The following DGKD variants were observed in gnomAD, a reference collection of about 807,000 sequenced individuals.
DGKD encodes DAG kinase delta.
DGKD carries 68 observed loss-of-function variants against 154.4 expected under a neutral mutation model. The observed-to-expected ratio is 0.44, with a 90% confidence interval of 0.36 to 0.54. DGKD has a LOEUF of 0.54. Among genes scored for constraint, DGKD ranks in the 20% least tolerant of loss-of-function variants. The probability of loss-of-function intolerance (pLI) is 0.00; values close to 1 mark genes in which losing one functional copy is unlikely to be tolerated. For missense variants in DGKD, 1,343 were observed against 1,593.6 expected (o/e 0.84, Z 2.68); for synonymous variants, 693 against 638.0 (o/e 1.09, Z -1.30).
intron 1 of DGKD, among the ~76,000 whole-genome samples, chr2:233,384,490 C>T (rs558832989): frequency 4.6e-5 from 7 of 152,224 alleles, no homozygotes; most frequent in East Asian, 1.9e-4. Flanking sequence ...CAGAGCTGGC[C>T]GTCGCCTTAC....
intron 27 of DGKD, among the ~76,000 whole-genome samples, chr2:233,466,675 A>G (rs935125794): frequency 2.0e-5 from 3 of 152,226 alleles, no homozygotes; most frequent in Admixed American, 6.5e-5. Flanking sequence ...TGCAAAGTGC[A>G]GGAGAGTTTT....
At chr2:233,400,192 G>A (rs2061524273) in intron 3 of DGKD, among the ~76,000 whole-genome samples, 1 of 152,232 alleles carries the variant, frequency 6.6e-6, no homozygotes, top group East Asian at 1.9e-4. Context: ...GAAGGAGGCA[G>A]AATCAGAGCT....
At chr2:233,413,413 T>C (rs143863594) in intron 3 of DGKD, among the ~76,000 whole-genome samples, 1,548 of 152,096 alleles carry the variant, frequency 0.01, 32 homozygotes, top group African/African-American at 0.035. Context: ...TTTTTTTTAA[T>C]GTTCAGATTT....
chr2:233,467,171 A>G lies in DGKD; in HGVS notation c.3392A>G (p.Asn1131Ser). The change falls in exon 28 of 30, where the codon AAC (asparagine) becomes AGC (serine). Residue 1131 changes from asparagine to serine, a missense_variant. This residue lies in a region of DGKD where 429 missense variants were observed against 496.3 expected (regional missense o/e 0.86). Coordinates refer to ENST00000264057, the MANE Select transcript of DGKD (RefSeq NM_152879.3). Reference sequence around the variant, plus strand: ...TTTAAAAAGGAGAAAAACAACAAGAACAAAGAAGCTCACAGTAGCCTGGGA... The same window carrying G: ...TTTAAAAAGGAGAAAAACAACAAGAGCAAAGAAGCTCACAGTAGCCTGGGA... ...TKFKKEKNNK[N>S]KEAHSSLGAP... 8.1e-6 allele frequency: 13 copies of G among 1,614,112 alleles called. No homozygotes were observed. Among genetic ancestry groups the G allele is most frequent in the Non-Finnish European group, 1.1e-5 (13 of 1,179,974 alleles).
At chr2:233,450,895 G>A (rs1478181558) in intron 16 of DGKD, 27 bp from the exon 17 acceptor site, 7 of 1,587,688 alleles carry the variant, frequency 4.4e-6, no homozygotes, top group African/African-American at 1.3e-5. Context: ...CCACACAGCT[G>A]TAAGGTTTTC....
At chr2:233,367,229 CTT>C (rs11365397) in intron 1 of DGKD, among the ~76,000 whole-genome samples, 187 of 144,050 alleles carry the variant, frequency 1.3e-3, no homozygotes, top group Middle Eastern at 3.6e-3. Context: ...GTATTAATGA[CTT>C]TTTTTTTTTT....
Position 233,438,428 on chromosome 2 carries a change from A to G in DGKD, c.1085+49A>G. ...TTTCTTGGAGTTTTAAAAATTGTGT[A>G]GATAGTGTGTGCTTGTTAAAAAAAA... On this transcript the variant is annotated intron_variant, in intron 9 of 29. Transcript: ENST00000264057. The surrounding 1 kb of genome is among the most constrained non-coding windows in gnomAD (Gnocchi z 4.1). 1.3e-6 allele frequency: 2 copies of G among 1,547,022 alleles called. No individual in the cohort carries two copies. The highest frequency in any genetic ancestry group is 1.2e-5 in the South Asian group (1 of 83,190).
chr2:233,438,157 G>T lies in DGKD; in HGVS notation c.923-60G>T. 1 of 1,572,808 alleles carries T rather than the reference G, an allele frequency of 6.4e-7. No individual in the cohort carries two copies. Among genetic ancestry groups the T allele is most frequent in the Non-Finnish European group, 8.7e-7 (1 of 1,152,104 alleles). ...GGGTCTGCTGCTGCTGATTCCATCAGTGGTGCCCTCAGCGTCTTCCGTGGC... is the reference window on the plus strand; with the variant it reads ...GGGTCTGCTGCTGCTGATTCCATCATTGGTGCCCTCAGCGTCTTCCGTGGC... On this transcript the variant is annotated intron_variant, in intron 8 of 29. Coordinates refer to ENST00000264057, the MANE Select transcript of DGKD (RefSeq NM_152879.3). The surrounding 1 kb of genome is among the most constrained non-coding windows in gnomAD (Gnocchi z 4.1).
intron 17 of DGKD, 29 bp downstream of exon 17, chr2:233,451,079 T>C: frequency 5.7e-6 from 9 of 1,586,342 alleles, no homozygotes; most frequent in Non-Finnish European, 6.0e-6. Context: ...GAGGGACTGG[T>C]GGGGGCCCTA....
intron 13 of DGKD, 21 bp from the exon 14 acceptor site, chr2:233,448,255 T>C (rs1444509656): frequency 1.2e-6 from 2 of 1,614,060 alleles, no homozygotes; most frequent in Admixed American, 3.3e-5. Flanking sequence ...TAGAAGGGTC[T>C]TTCTGTTTTT....
chr2:233,384,533 G>T (rs951742600), intron 1 of DGKD, among the ~76,000 whole-genome samples: 8 of 152,094 alleles, frequency 5.3e-5, no homozygotes, highest in Non-Finnish European at 8.8e-5. Context: ...GAGGCCCGCA[G>T]AGTCAGCACA....
At chr2:233,415,335 C>T (rs774159601) in intron 3 of DGKD, among the ~76,000 whole-genome samples, 1 of 152,164 alleles carries the variant, frequency 6.6e-6, no homozygotes, top group Non-Finnish European at 1.5e-5. Flanking sequence ...TATGAGATGC[C>T]TGCAGCAAGT....
chr2:233,357,496 G>T (rs1240284866), intron 1 of DGKD, among the ~76,000 whole-genome samples: 1 of 150,870 alleles, frequency 6.6e-6, no homozygotes, highest in Non-Finnish European at 1.5e-5. Context: ...TCTAGGGTGG[G>T]TGGGGCCTTA....
chr2:233,447,740 G>A lies in DGKD; in HGVS notation c.1420-347G>A, dbSNP rs973044184. On this transcript the variant is annotated intron_variant, in intron 12 of 29. Transcript: ENST00000264057. The stretch of plus-strand genomic sequence containing the variant: ...GGTGGAAACAGCCTCTGCTGCAAAC[G>A]GACCCAAACCTGGAGCCGACCCGCC... The A allele has an allele frequency of 6.3e-5, 70 of 1,102,692 alleles. 1 individual carries two copies. In the Admixed American group the frequency reaches 1.3e-3, roughly 21 times the overall value. The allele number at this position is 1,102,692 out of a possible 1,614,324, so 68.3% of individuals were successfully genotyped here. A position where few individuals can be genotyped will look rare whatever the true frequency, so the allele number is the denominator to read the frequency against.
chr2:233,459,909 C>A lies in DGKD; in HGVS notation c.2829+18C>A, dbSNP rs373062963. ...GAGACAGGGTAAGAGCGGCTGCCCG[C>A]GGTACCTGGGTGGGGTACAGGGCTC... is the stretch of plus-strand genomic sequence containing the variant. On this transcript the variant is annotated intron_variant, in intron 23 of 29. Transcript: ENST00000264057. The surrounding 1 kb of genome is among the most constrained non-coding windows in gnomAD (Gnocchi z 5.7). 12 of 1,611,036 alleles carry A rather than the reference C, an allele frequency of 7.4e-6. No individual in the cohort carries two copies. Among genetic ancestry groups the A allele is most frequent in the South Asian group, 1.1e-5 (1 of 90,602 alleles).
chr2:233,397,544 G>T lies in DGKD; in HGVS notation c.348+7061G>T, dbSNP rs1274909660. On this transcript the variant is annotated intron_variant, in intron 3 of 29. Coordinates refer to ENST00000264057, the MANE Select transcript of DGKD (RefSeq NM_152879.3). ...AGGGGACCAGGGTGGCTGGGGGGGG[G>T]GGGCAGAGTGAGAGGACACCAGAGG... Among the ~76,000 whole-genome samples, 8 of 121,406 alleles carry T rather than the reference G, an allele frequency of 6.6e-5. No individual in the cohort carries two copies. The East Asian group carries it at 8.8e-4, about 13-fold the overall frequency. 79.6% of individuals were successfully genotyped at this position (121,406 alleles called of 152,430 possible).
At chr2:233,433,810 A>G (rs115171990) in intron 3 of DGKD, among the ~76,000 whole-genome samples, 3 of 152,356 alleles carry the variant, frequency 2.0e-5, no homozygotes, top group Non-Finnish European at 2.9e-5. Flanking sequence ...CTACTGATTG[A>G]TAAGAACCCT....
At chr2:233,398,069 CCTCCCAG>C (rs2125471664) in intron 3 of DGKD, among the ~76,000 whole-genome samples, 1 of 144,922 alleles carries the variant, frequency 6.9e-6, no homozygotes, top group East Asian at 2.1e-4. Flanking sequence ...TGCAACCTCC[CCTCCCAG>C]CTCCCACCCC....
At position 233,456,989 on chromosome 2, in the gene DGKD, G is replaced by A; in HGVS notation, c.2466G>A (p.Leu822=). ...RTYKNLEQKV[L]LECDGRPIPL... The stretch of plus-strand genomic sequence containing the variant: ...ACAAGAACCTGGAGCAAAAGGTCTT[G>A]CTGGAGGTGAGTGGGAGGGTCCTTG... The change falls in exon 20 of 30, where the codon TTG becomes TTA. Residue 822 remains leucine (L), a synonymous_variant. Coordinates refer to ENST00000264057, the MANE Select transcript of DGKD (RefSeq NM_152879.3). The A allele has an allele frequency of 6.2e-7, 1 of 1,613,916 alleles. No homozygotes were observed. The highest frequency in any genetic ancestry group is 1.1e-5 in the South Asian group (1 of 91,070).
Sources: gnomAD v4.1 joint callset for allele counts (sites outside exome capture counted in the v4.1 genomes callset) on GRCh38, gnomAD v4.1.1 for gene constraint, gnomAD v4.1.1 regional missense constraint, Gnocchi (gnomAD v3.1) non-coding constraint, MANE v1.5 for transcripts, NCBI Gene and HGNC (gene_info 2026-07-23, HGNC 2026-07-21) for gene names.